MIA2: variants seen among roughly 807,000 people sequenced by gnomAD.
The protein encoded by MIA2 is melanoma inhibitory activity protein 2.
In MIA2, 127 loss-of-function variants were observed where a neutral mutation model predicts 167.8. The ratio of observed to expected loss-of-function variants is 0.76; its 90% CI spans 0.66 to 0.88. The LOEUF is 0.88. MIA2 is among the 40% of genes least tolerant of loss of function. MIA2 has a pLI of 0.00. For missense variants in MIA2, 1,690 were observed against 1,624.7 expected, an observed-to-expected ratio of 1.04 and a Z score of -0.69; for synonymous variants, 552 against 541.9, an observed-to-expected ratio of 1.02 and a Z score of -0.26.
chr14:39,380,226 T>C lies in MIA2; in HGVS notation c.2249-6659T>C, dbSNP rs186423471. 6.6e-5 allele frequency among the ~76,000 whole-genome samples: 10 copies of C among 152,352 alleles called. No individual in the cohort carries two copies. In the East Asian group the frequency reaches 1.5e-3, roughly 23 times the overall value. ...AAAAAAGAGGAGCTGGAGCAACTTA[T>C]TATCTCAGGTCTTCTCCAAGGGGAG... is the stretch of plus-strand genomic sequence containing the variant. On this transcript the variant is annotated intron_variant, in intron 23 of 23. Coordinates refer to the MIA2 transcript ENST00000341502.
At position 39,248,123 on chromosome 14, in the gene MIA2, A is replaced by G. The variant is rs749675089; in HGVS notation, c.1549A>G (p.Ser517Gly). 1.4e-6 allele frequency: 2 copies of G among 1,477,566 alleles called. No homozygotes were observed. Among genetic ancestry groups the G allele is most frequent in the Non-Finnish European group, 1.8e-6 (2 of 1,104,498 alleles). 91.5% of individuals were successfully genotyped at this position (1,477,566 alleles called of 1,614,324 possible). A position where few individuals can be genotyped will look rare whatever the true frequency, so the allele number is the denominator to read the frequency against. ...TAATACAAAAGTTATGATATTCAAA[A>G]GTTCATACAGTCTGTCAGGTTGGTA... ...TDNTKVMIFK[S>G]SYSLSDMVSN... The change falls in exon 4 of 29, where the codon AGT becomes GGT. Residue 517 changes from serine (S) to glycine (G), a missense_variant. By Grantham distance (56) the Ser-to-Gly change is moderately conservative. Coordinates refer to ENST00000640607, the MANE Select transcript of MIA2 (RefSeq NM_001329214.4).
At chr14:39,239,372 TACACAC>T (rs149021252) in intron 2 of MIA2, among the ~76,000 whole-genome samples, 1 of 150,192 alleles carries the variant, frequency 6.7e-6, no homozygotes, top group South Asian at 2.1e-4. Flanking sequence ...ATAGCAAGAA[TACACAC>T]ACACACACAC....
chr14:39,285,482 C>CA (rs200762260), intron 9 of MIA2, among the ~76,000 whole-genome samples: 1 of 146,844 alleles, frequency 6.8e-6, no homozygotes, highest in Non-Finnish European at 1.5e-5. Context: ...GCTGACCCCC[C>CA]ACCTCCCTCC....
At chr14:39,313,846 T>C (rs1195783658) in intron 19 of MIA2, among the ~76,000 whole-genome samples, 1 of 152,086 alleles carries the variant, frequency 6.6e-6, no homozygotes, top group Non-Finnish European at 1.5e-5. Flanking sequence ...CATAGAGCAT[T>C]TGGAAGTATT....
rs374472059 is a variant in MIA2 at position 39,277,185 on chromosome 14, GTTTTTGT to G, written c.2019+140_2019+146del. The stretch of plus-strand genomic sequence containing the variant: ...TTAGAAACTACATAGGGATTCAGAG[GTTTTTGT>G]TTTTTGTTTTTTGTTTTTTTTAAAA... On this transcript the variant is annotated intron_variant, in intron 7 of 28. Transcript: ENST00000640607. The G allele has an allele frequency of 4.3e-4, 564 of 1,326,468 alleles. 1 individual carries two copies. The highest frequency in any genetic ancestry group is 3.7e-3 in the African/African-American group (248 of 66,864). The allele number at this position is 1,326,468 out of a possible 1,614,324, so 82.2% of individuals were successfully genotyped here. A position where few individuals can be genotyped will look rare whatever the true frequency, so the allele number is the denominator to read the frequency against.
intron 23 of MIA2, among the ~76,000 whole-genome samples, chr14:39,384,687 G>T (rs940697422): frequency 1.3e-5 from 2 of 152,100 alleles, no homozygotes; most frequent in Admixed American, 1.3e-4. Context: ...ACTCAGCCAG[G>T]TGCCTGGCAA....
intron 9 of MIA2, among the ~76,000 whole-genome samples, chr14:39,288,472 T>G (rs1566748703): frequency 1.8e-4 from 9 of 50,564 alleles, no homozygotes; most frequent in African/African-American, 8.6e-4. Flanking sequence ...TATATATATA[T>G]ATATTTTTTT....
intron 18 of MIA2, among the ~76,000 whole-genome samples, chr14:39,310,767 GT>G (rs2064104170): frequency 6.6e-6 from 1 of 152,206 alleles, no homozygotes; most frequent in East Asian, 1.9e-4. Context: ...GCCAAGTTCT[GT>G]ACTTCAGTCA....
chr14:39,277,134 CAT>C, intron 7 of MIA2, 69 bp downstream of exon 7: 1 of 1,509,922 alleles, frequency 6.6e-7, no homozygotes, highest in African/African-American at 1.4e-5. Flanking sequence ...ATATGAGAAA[CAT>C]ATTTGTTATT....
At chr14:39,251,529 T>C (rs2054574890) in intron 4 of MIA2, among the ~76,000 whole-genome samples, 2 of 152,106 alleles carry the variant, frequency 1.3e-5, no homozygotes, top group Admixed American at 1.3e-4. Flanking sequence ...TAAAACAGTA[T>C]TTTAAAATAA....
At chr14:39,280,732 A>AAAACAAACAAAC (rs549743260) in intron 9 of MIA2, among the ~76,000 whole-genome samples, 23 of 151,574 alleles carry the variant, frequency 1.5e-4, no homozygotes, top group African/African-American at 5.1e-4. Flanking sequence ...ACTCCTTCTC[A>AAAACAAACAAAC]AAACAAACAA....
intron 3 of MIA2, among the ~76,000 whole-genome samples, chr14:39,245,096 A>C (rs2054237255): frequency 2.5e-4 from 1 of 3,956 alleles, no homozygotes; most frequent in Non-Finnish European, 7.2e-4. Flanking sequence ...TTTTTTTTAA[A>C]GACAGGATCT....
At chr14:39,317,668 A>G (rs1281971464) in intron 21 of MIA2, among the ~76,000 whole-genome samples, 1 of 152,190 alleles carries the variant, frequency 6.6e-6, no homozygotes, top group Non-Finnish European at 1.5e-5. Flanking sequence ...TGTTCAATCT[A>G]CTCAGTAACT....
intron 19 of MIA2, among the ~76,000 whole-genome samples, chr14:39,313,867 T>TA (rs2064831728): frequency 6.6e-6 from 1 of 152,180 alleles, no homozygotes; most frequent in African/African-American, 2.4e-5. Context: ...TAAAAGACTA[T>TA]AAATCTAGAT....
At chr14:39,268,091 C>T (rs1397531229) in intron 6 of MIA2, among the ~76,000 whole-genome samples, 2 of 151,898 alleles carry the variant, frequency 1.3e-5, no homozygotes, top group East Asian at 3.9e-4. Context: ...AGTAAACTCC[C>T]AGTGTTCAAA....
intron 6 of MIA2, chr14:39,265,639 T>TG (rs2055490606): frequency 2.4e-6 from 1 of 419,330 alleles, no homozygotes. Flanking sequence ...GGGAGGTTTT[T>TG]TTTTTGTTTT....
Position 39,256,077 on chromosome 14 carries a change from G to C in MIA2, c.1887+2906G>C, listed in dbSNP as rs539643418. The stretch of plus-strand genomic sequence containing the variant: ...CTCATATTAAAATCTGAATTTCTGG[G>C]TTCTCTTGAAAAAGTAGAAGACTGT... On this transcript the variant is annotated intron_variant, in intron 6 of 28. Transcript: ENST00000640607. 3.9e-4 allele frequency among the ~76,000 whole-genome samples: 60 copies of C among 152,262 alleles called. 1 individual carries two copies. The highest frequency in any genetic ancestry group is 1.5e-3 in the South Asian group (7 of 4,824).
chr14:39,380,585 A>C (rs756554524), intron 23 of MIA2, among the ~76,000 whole-genome samples: 3 of 149,694 alleles, frequency 2.0e-5, no homozygotes, highest in Non-Finnish European at 4.4e-5. Context: ...CCCAGCTACT[A>C]GGGAGGCTGA....
At chr14:39,297,040 G>A (rs2061523856) in intron 13 of MIA2, among the ~76,000 whole-genome samples, 1 of 151,132 alleles carries the variant, frequency 6.6e-6, no homozygotes, top group South Asian at 2.1e-4. Context: ...GCCTCCCAAA[G>A]TGCTGAGATT....
Sources: gnomAD v4.1 joint callset for allele counts (sites outside exome capture counted in the v4.1 genomes callset) on GRCh38, gnomAD v4.1.1 for gene constraint, MANE v1.5 for transcripts, NCBI Gene and HGNC (gene_info 2026-07-23, HGNC 2026-07-21) for gene names.